VCF1: variants seen among roughly 807,000 people sequenced by gnomAD.
VCF1 encodes protein VCF1.
the VCF1 span, chr17:73,209,532 T>C: frequency 7.0e-6 from 11 of 1,581,274 alleles, no homozygotes; most frequent in Non-Finnish European, 9.5e-6. Context: ...CGGCACATCA[T>C]GTCAGAGGCC....
chr17:73,209,882 A>G, the VCF1 span: 23 of 1,447,726 alleles, frequency 1.6e-5, no homozygotes, highest in Non-Finnish European at 2.1e-5. Flanking sequence ...CAGCTTGAGG[A>G]TGAAGACATA....
the VCF1 span, among the ~76,000 whole-genome samples, chr17:73,223,373 C>T: frequency 2.6e-5 from 4 of 152,176 alleles, no homozygotes. Context: ...TTTATGCACA[C>T]ATTAATTTAT....
At chr17:73,221,113 G>A in the VCF1 span, among the ~76,000 whole-genome samples, 1 of 150,936 alleles carries the variant, frequency 6.6e-6, no homozygotes, top group African/African-American at 2.5e-5. Context: ...TGGTCAGGCT[G>A]GTCTCGAACT....
At chr17:73,218,796 G>A in the VCF1 span, among the ~76,000 whole-genome samples, 1 of 152,194 alleles carries the variant, frequency 6.6e-6, no homozygotes, top group East Asian at 1.9e-4. Flanking sequence ...GAGGCGGGCG[G>A]ATCACGAGGT....
the VCF1 span, among the ~76,000 whole-genome samples, chr17:73,224,885 CACAGGACAGG>C: frequency 6.8e-4 from 85 of 125,238 alleles, 1 homozygote; most frequent in African/African-American, 2.6e-3. Context: ...GACAGCACAG[CACAGGACAGG>C]ACAGGACAGG....
At chr17:73,223,648 A>T in the VCF1 span, among the ~76,000 whole-genome samples, 1 of 35,470 alleles carries the variant, frequency 2.8e-5, no homozygotes, top group Non-Finnish European at 6.7e-5. Context: ...CTTAGAATTA[A>T]AAAAAAAATT....
chr17:73,222,451 G>A, the VCF1 span, among the ~76,000 whole-genome samples: 6 of 151,966 alleles, frequency 3.9e-5, no homozygotes, highest in Non-Finnish European at 7.4e-5. Context: ...GATAAAAAGA[G>A]AAGGAAAATT....
At chr17:73,217,391 G>A in the VCF1 span, among the ~76,000 whole-genome samples, 39 of 149,938 alleles carry the variant, frequency 2.6e-4, no homozygotes, top group African/African-American at 9.6e-4. Context: ...GGTGGTTCAT[G>A]CCTGTAATCC....
At chr17:73,213,855 A>G in the VCF1 span, among the ~76,000 whole-genome samples, 1 of 152,182 alleles carries the variant, frequency 6.6e-6, no homozygotes, top group African/African-American at 2.4e-5. Flanking sequence ...CTGTAGTCCC[A>G]GCTTCTCAGG....
the VCF1 span, chr17:73,227,705 A>C: frequency 2.6e-4 from 253 of 980,650 alleles, 1 homozygote; most frequent in African/African-American, 4.1e-3. Flanking sequence ...TTGCCCTGAA[A>C]ACCCTTATAA....
the VCF1 span, among the ~76,000 whole-genome samples, chr17:73,223,583 C>T: frequency 6.6e-6 from 1 of 151,954 alleles, no homozygotes; most frequent in East Asian, 1.9e-4. Context: ...TATTATTGTA[C>T]TTAAGCAAAA....
the VCF1 span, among the ~76,000 whole-genome samples, chr17:73,225,882 A>ATATATATATATATATATATATATAT: frequency 2.7e-5 from 2 of 74,692 alleles, no homozygotes; most frequent in African/African-American, 1.1e-4. Context: ...ATATATATAT[A>ATATATATATATATATATATATATAT]ATATATATAT....
At chr17:73,224,850 G>A in the VCF1 span, among the ~76,000 whole-genome samples, 32 of 139,544 alleles carry the variant, frequency 2.3e-4, 1 homozygote, top group Admixed American at 2.3e-3. Flanking sequence ...CACAGGACAG[G>A]ACAGGACAGG....
chr17:73,217,056 C>G, the VCF1 span, among the ~76,000 whole-genome samples: 88,198 of 152,092 alleles, frequency 0.58, 25,744 homozygotes, highest in Non-Finnish European at 0.62. Context: ...AGGGCTGGGC[C>G]CAGTGGCTCA....
chr17:73,210,209 G>A, the VCF1 span, among the ~76,000 whole-genome samples: 1 of 152,148 alleles, frequency 6.6e-6, no homozygotes, highest in East Asian at 1.9e-4. Context: ...GATGGCTTCT[G>A]GGTATAAGCG....
the VCF1 span, chr17:73,207,490 AAT>A: frequency 1.6e-6 from 1 of 637,900 alleles, no homozygotes; most frequent in Non-Finnish European, 2.8e-6. Context: ...AAATGTAGAA[AAT>A]ATACAGGACA....
chr17:73,226,519 A>AT, the VCF1 span, among the ~76,000 whole-genome samples: 1 of 152,222 alleles, frequency 6.6e-6, no homozygotes, highest in Non-Finnish European at 1.5e-5. Context: ...CTCTAGGTGC[A>AT]TAACTTAATA....
At chr17:73,208,541 A>AATC in the VCF1 span, 1 of 1,461,766 alleles carries the variant, frequency 6.8e-7, no homozygotes, top group Non-Finnish European at 9.5e-7. Flanking sequence ...CAGCCACACC[A>AATC]ATCTTTCCAG....
chr17:73,211,456 C>A, the VCF1 span, among the ~76,000 whole-genome samples: 3 of 151,942 alleles, frequency 2.0e-5, no homozygotes, highest in East Asian at 5.8e-4. Flanking sequence ...GTAATCCCAG[C>A]TACTAGGGAG....
Sources: allele counts gnomAD v4.1 joint callset (sites outside exome capture counted in the v4.1 genomes callset), GRCh38; gene constraint gnomAD v4.1.1; transcripts MANE v1.5; gene names NCBI Gene and HGNC (gene_info 2026-07-23, HGNC 2026-07-21).